SHLD1: variants seen among roughly 807,000 people sequenced by gnomAD.
SHLD1 encodes RINN1-REV7-interacting novel NHEJ regulator 3.
SHLD1 carries 3 observed loss-of-function variants against 5.5 expected under a neutral mutation model. That is an observed-to-expected ratio of 0.54 (90% confidence interval 0.25 to 1.40). SHLD1 has a LOEUF of 1.40. SHLD1 is among the 40% of genes most tolerant of loss of function. The pLI, the probability that SHLD1 is intolerant of heterozygous loss-of-function variation, is 0.15. For synonymous variants in SHLD1, 92 were observed against 94.3 expected (o/e 0.98, Z 0.14); for missense variants, 210 against 244.4 (o/e 0.86, Z 0.94).
intron 1 of SHLD1, among the ~76,000 whole-genome samples, chr20:5,767,209 A>C (rs1161740931): frequency 6.6e-6 from 1 of 151,916 alleles, no homozygotes; most frequent in African/African-American, 2.4e-5. Flanking sequence ...ATCTCGCATC[A>C]CTGTATCCCC....
intron 2 of SHLD1, among the ~76,000 whole-genome samples, chr20:5,820,028 A>C (rs979098188): frequency 6.6e-6 from 1 of 152,104 alleles, no homozygotes; most frequent in African/African-American, 2.4e-5. Flanking sequence ...GCTCACTGCA[A>C]CCTCCATCTC....
intron 2 of SHLD1, among the ~76,000 whole-genome samples, chr20:5,849,289 A>G (rs180989669): frequency 2.9e-4 from 44 of 152,216 alleles, no homozygotes; most frequent in African/African-American, 1.0e-3. Flanking sequence ...GTTCAGAGTG[A>G]ATCAGGGCCA....
intron 2 of SHLD1, among the ~76,000 whole-genome samples, chr20:5,817,726 TC>T (rs2087555833): frequency 7.1e-6 from 1 of 140,092 alleles, no homozygotes; most frequent in Non-Finnish European, 1.6e-5. Flanking sequence ...GACTTAGTGT[TC>T]ACTGTGAAAT....
At chr20:5,754,822 G>A (rs111632760) in intron 1 of SHLD1, among the ~76,000 whole-genome samples, 1 of 152,176 alleles carries the variant, frequency 6.6e-6, no homozygotes, top group Non-Finnish European at 1.5e-5. Flanking sequence ...TTGGGAGGCC[G>A]ACGCGGGCGG....
chr20:5,803,523 AG>A (rs2087328323), intron 2 of SHLD1, among the ~76,000 whole-genome samples: 1 of 152,060 alleles, frequency 6.6e-6, no homozygotes, highest in South Asian at 2.1e-4. Flanking sequence ...CAAATGTGGG[AG>A]CCTGTGGCTT....
chr20:5,844,787 ATATATATATATATT>A (rs1364029124), intron 2 of SHLD1, among the ~76,000 whole-genome samples: 2 of 102,286 alleles, frequency 2.0e-5, no homozygotes, highest in Admixed American at 9.6e-5. Flanking sequence ...ATATATATAT[ATATATATATATATT>A]TTTTTTTTTT....
intron 2 of SHLD1, among the ~76,000 whole-genome samples, chr20:5,813,078 G>C (rs1307975951): frequency 6.6e-6 from 1 of 151,912 alleles, no homozygotes; most frequent in Admixed American, 6.5e-5. Flanking sequence ...GTTTCACCAT[G>C]TTGCCCCGGC....
At chr20:5,791,435 A>G (rs1372967378) in intron 2 of SHLD1, among the ~76,000 whole-genome samples, 3 of 151,450 alleles carry the variant, frequency 2.0e-5, no homozygotes, top group African/African-American at 7.3e-5. Context: ...GTGATGGGGC[A>G]CTCATGTAGT....
At chr20:5,780,411 C>G (rs191312054) in intron 2 of SHLD1, among the ~76,000 whole-genome samples, 1 of 152,124 alleles carries the variant, frequency 6.6e-6, no homozygotes, top group South Asian at 2.1e-4. Flanking sequence ...AGCCCAGCAA[C>G]AGGCACGCTG....
intron 2 of SHLD1, among the ~76,000 whole-genome samples, chr20:5,836,112 T>C (rs1418251062): frequency 2.6e-5 from 4 of 152,080 alleles, no homozygotes; most frequent in East Asian, 1.9e-4. Context: ...TTTTTTAAGC[T>C]TTTGATTTTT....
At chr20:5,844,770 CAT>C (rs150675433) in intron 2 of SHLD1, among the ~76,000 whole-genome samples, 31,015 of 99,912 alleles carry the variant, frequency 0.31, 5,441 homozygotes, top group Non-Finnish European at 0.4. Flanking sequence ...GTGTAGTAGA[CAT>C]ATATATATAT....
In SHLD1 at chr20:5,855,995, G is replaced by T. The variant is rs1238672797; in HGVS notation, c.179-7029G>T. Among the ~76,000 whole-genome samples the T allele has an allele frequency of 2.0e-5, 3 of 152,196 alleles. No homozygotes were observed. The highest frequency in any genetic ancestry group is 4.4e-5 in the Non-Finnish European group (3 of 68,048). ...ACTAGGCAATGTTGAGATAGTAGCT[G>T]CTCTGTTGGTCTGGGTTCTGGAGTG... is the stretch of plus-strand genomic sequence containing the variant. On this transcript the variant is annotated intron_variant, in intron 2 of 2. Transcript: ENST00000303142. The surrounding 1 kb of genome is among the most constrained non-coding windows in gnomAD (Gnocchi z 4.4).
chr20:5,856,827 G>A (rs550652450), intron 2 of SHLD1, among the ~76,000 whole-genome samples: 1 of 152,146 alleles, frequency 6.6e-6, no homozygotes, highest in Non-Finnish European at 1.5e-5. Context: ...ACTTGTTACT[G>A]TACAGCACAT....
At position 5,775,923 on chromosome 20, in the gene SHLD1, A is replaced by ATTTTTT. The variant is rs533313849; in HGVS notation, c.178+2897_178+2902dup. Reference sequence around the variant, plus strand: ...TGCAGTACTGCCTGGTCAGCTCAGGATTTTTTTTTTTTTTTTTTTTTTGAG... The same window carrying ATTTTTT: ...TGCAGTACTGCCTGGTCAGCTCAGGATTTTTTTTTTTTTTTTTTTTTTTTTTTTGAG... On this transcript the variant is annotated intron_variant, in intron 2 of 2. Coordinates refer to ENST00000303142, the MANE Select transcript of SHLD1 (RefSeq NM_152504.4). 1.7e-4 allele frequency among the ~76,000 whole-genome samples: 13 copies of ATTTTTT among 77,682 alleles called. 1 individual carries two copies. Among genetic ancestry groups the ATTTTTT allele is most frequent in the South Asian group, 4.7e-4 (1 of 2,138 alleles). The allele number at this position is 77,682 out of a possible 152,430, so 51.0% of individuals were successfully genotyped here. A position where few individuals can be genotyped will look rare whatever the true frequency, so the allele number is the denominator to read the frequency against.
At chr20:5,764,176 TTTTATA>T (rs1984678742) in intron 1 of SHLD1, among the ~76,000 whole-genome samples, 1 of 56,464 alleles carries the variant, frequency 1.8e-5, no homozygotes, top group African/African-American at 6.4e-5. Context: ...ATATATATAT[TTTTATA>T]TATATATATT....
At chr20:5,823,195 C>T (rs568890742) in intron 2 of SHLD1, among the ~76,000 whole-genome samples, 2 of 152,250 alleles carry the variant, frequency 1.3e-5, no homozygotes, top group Admixed American at 1.3e-4. Flanking sequence ...GCTTCTCCTC[C>T]TGCCCTCACT....
intron 2 of SHLD1, among the ~76,000 whole-genome samples, chr20:5,814,370 G>A (rs1446511751): frequency 6.6e-6 from 1 of 152,122 alleles, no homozygotes. Flanking sequence ...AGCTTCATCT[G>A]TGAAATTGTC....
At chr20:5,762,971 CAAA>C (rs561487362) in intron 1 of SHLD1, among the ~76,000 whole-genome samples, 1,351 of 102,678 alleles carry the variant, frequency 0.013, 18 homozygotes, top group East Asian at 0.037. Context: ...GACTCCGTCT[CAAA>C]AAAAAAAAAA....
At chr20:5,850,451 C>T (rs998703840) in intron 2 of SHLD1, among the ~76,000 whole-genome samples, 2 of 151,900 alleles carry the variant, frequency 1.3e-5, no homozygotes, top group Non-Finnish European at 2.9e-5. Context: ...TAACTTTCTT[C>T]CTCGACCTGG....
Sources: gnomAD v4.1 joint callset for allele counts (sites outside exome capture counted in the v4.1 genomes callset) on GRCh38, gnomAD v4.1.1 for gene constraint, Gnocchi (gnomAD v3.1) non-coding constraint, MANE v1.5 for transcripts, NCBI Gene and HGNC (gene_info 2026-07-23, HGNC 2026-07-21) for gene names.